ARHGAP23: variants seen among roughly 807,000 people sequenced by gnomAD.
ARHGAP23 encodes Rho GTPase activating protein 23.
Under a neutral mutation model 136.3 loss-of-function variants are expected in ARHGAP23, and 34 were observed. That is an observed-to-expected ratio of 0.25 (90% CI 0.19 to 0.33). The LOEUF (loss-of-function observed/expected upper bound fraction) is 0.33. ARHGAP23 is among the 10% of genes least tolerant of loss of function. ARHGAP23 has a pLI of 1.00. For missense variants in ARHGAP23, 1,808 were observed against 2,139.0 expected (o/e 0.85, Z 3.05); for synonymous variants, 832 against 920.5 (o/e 0.90, Z 1.74).
chr17:38,500,862 A>G (rs2040503750), intron 23 of ARHGAP23: 2 of 572,108 alleles, frequency 3.5e-6, no homozygotes, highest in Non-Finnish European at 3.1e-6. Flanking sequence ...TTATGTGGCT[A>G]GGAGGCAATG....
intron 3 of ARHGAP23, 33 bp from the exon 4 acceptor site, chr17:38,462,813 C>A: frequency 6.9e-7 from 1 of 1,446,002 alleles, no homozygotes; most frequent in Non-Finnish European, 9.2e-7. Context: ...CCTTCCCCAG[C>A]CACCCCCAGC....
chr17:38,507,157 C>G (rs183272213), intron 23 of ARHGAP23, among the ~76,000 whole-genome samples: 67 of 151,858 alleles, frequency 4.4e-4, no homozygotes, highest in Non-Finnish European at 7.9e-4. Context: ...GCCTGTAATC[C>G]CAGCTACTCG....
chr17:38,500,257 T>C, intron 22 of ARHGAP23: 1 of 356,098 alleles, frequency 2.8e-6, no homozygotes, highest in East Asian at 5.6e-5. Flanking sequence ...TTCTCTCCAG[T>C]GCTTCAGAGT....
At chr17:38,460,797 A>C in intron 2 of ARHGAP23, 108 bp from the exon 3 acceptor site, 6 of 1,533,694 alleles carry the variant, frequency 3.9e-6, no homozygotes, top group African/African-American at 1.4e-5. Flanking sequence ...ACTTGGGAGG[A>C]GATAAGGGGT....
chr17:38,428,746 G>A (rs1406685893), intron 1 of ARHGAP23, among the ~76,000 whole-genome samples, 198 bp downstream of exon 1: 8 of 152,186 alleles, frequency 5.3e-5, no homozygotes, highest in Non-Finnish European at 1.2e-4. Context: ...GTCCGGGGTA[G>A]AGGGGTGGGA....
intron 17 of ARHGAP23, among the ~76,000 whole-genome samples, chr17:38,488,938 C>T (rs2040213901): frequency 6.7e-6 from 1 of 148,552 alleles, no homozygotes; most frequent in Non-Finnish European, 1.5e-5. Flanking sequence ...TGCAGTGTTA[C>T]GATCTCGGCT....
At chr17:38,474,897 C>CT (rs1041144922) in intron 11 of ARHGAP23, among the ~76,000 whole-genome samples, 1 of 152,146 alleles carries the variant, frequency 6.6e-6, no homozygotes, top group Admixed American at 6.5e-5. Context: ...CCCTTCCAGT[C>CT]TAACGTGTGA....
intron 1 of ARHGAP23, among the ~76,000 whole-genome samples, chr17:38,453,530 C>A (rs1234902592): frequency 6.7e-6 from 1 of 148,820 alleles, no homozygotes; most frequent in African/African-American, 2.5e-5. Flanking sequence ...CCAGGGCTGC[C>A]GTCTGCGTGT....
chr17:38,464,778 G>C, intron 6 of ARHGAP23, among the ~76,000 whole-genome samples: 1 of 152,216 alleles, frequency 6.6e-6, no homozygotes, highest in East Asian at 1.9e-4. Flanking sequence ...GCCCAGGCTG[G>C]GGTGGGCTGG....
At chr17:38,465,225 T>G (rs2039560524) in intron 6 of ARHGAP23, among the ~76,000 whole-genome samples, 2 of 148,556 alleles carry the variant, frequency 1.3e-5, no homozygotes, top group East Asian at 3.9e-4. Context: ...GGGGGCTGAG[T>G]GTGCGGGGGT....
intron 22 of ARHGAP23, among the ~76,000 whole-genome samples, 183 bp downstream of exon 22, chr17:38,498,693 C>T (rs1045665140): frequency 6.6e-5 from 10 of 152,166 alleles, no homozygotes; most frequent in East Asian, 1.9e-4. Context: ...CAGCTTGCCC[C>T]GTGCCCACCT....
At chr17:38,455,978 TG>T (rs929120325) in intron 1 of ARHGAP23, among the ~76,000 whole-genome samples, 5 of 152,232 alleles carry the variant, frequency 3.3e-5, no homozygotes, top group South Asian at 4.1e-4. Flanking sequence ...CCTCCTGGAC[TG>T]GGGGTCTTCC....
chr17:38,506,672 C>T (rs1401606575), intron 23 of ARHGAP23, among the ~76,000 whole-genome samples: 1 of 152,196 alleles, frequency 6.6e-6, no homozygotes, highest in Non-Finnish European at 1.5e-5. Context: ...AGCCCAAGCC[C>T]TCTGGTGTCC....
At position 38,479,737 on chromosome 17, in the gene ARHGAP23, C is replaced by A; in HGVS notation, c.2499-16C>A. 3.4e-6 allele frequency: 5 copies of A among 1,467,508 alleles called. No homozygotes were observed. Among genetic ancestry groups the A allele is most frequent in the Non-Finnish European group, 4.5e-6 (5 of 1,108,300 alleles). 90.9% of individuals were successfully genotyped at this position (1,467,508 alleles called of 1,614,324 possible). A position where few individuals can be genotyped will look rare whatever the true frequency, so the allele number is the denominator to read the frequency against. On this transcript the variant is annotated splice_polypyrimidine_tract_variant and intron_variant, in intron 13 of 23. Transcript: ENST00000622683. ...CCCAAATGAAGACCTCTCCTCTCCCCCTTTTTCCTACACAGCCATAGCTCT... is the reference window on the plus strand; with the variant it reads ...CCCAAATGAAGACCTCTCCTCTCCCACTTTTTCCTACACAGCCATAGCTCT...
chr17:38,427,476 G>T, upstream of ARHGAP23, among the ~76,000 whole-genome samples: 1 of 151,976 alleles, frequency 6.6e-6, no homozygotes, highest in Non-Finnish European at 1.5e-5. Flanking sequence ...AAAAAAAAAG[G>T]AAAAGAAAGA....
At chr17:38,457,320 A>C (rs1372569618) in intron 1 of ARHGAP23, 1 of 152,786 alleles carries the variant, frequency 6.5e-6, no homozygotes, top group Admixed American at 6.5e-5. Context: ...CTGGAGCCTC[A>C]GGAAGTCCCT....
At chr17:38,479,932 T>TG in intron 14 of ARHGAP23, 49 bp downstream of exon 14, 325 of 697,102 alleles carry the variant, frequency 4.7e-4, no homozygotes, top group Non-Finnish European at 6.2e-4. Context: ...GCAGGGGGCA[T>TG]GGGGAGGGGA....
At chr17:38,444,487 G>A (rs1481805815) in intron 1 of ARHGAP23, among the ~76,000 whole-genome samples, 1 of 152,152 alleles carries the variant, frequency 6.6e-6, no homozygotes. Context: ...CCCCCACACT[G>A]AGCCAGGTTT....
intron 20 of ARHGAP23, among the ~76,000 whole-genome samples, chr17:38,493,187 C>G (rs1354982627): frequency 1.4e-5 from 2 of 144,614 alleles, no homozygotes; most frequent in Non-Finnish European, 3.0e-5. Context: ...CTCTCTCTCT[C>G]TTTTCGCTTT....
Sources: allele counts gnomAD v4.1 joint callset (sites outside exome capture counted in the v4.1 genomes callset), GRCh38; gene constraint gnomAD v4.1.1; transcripts MANE v1.5; gene names NCBI Gene and HGNC (gene_info 2026-07-23, HGNC 2026-07-21).